CD247: variants seen among roughly 807,000 people sequenced by gnomAD.
The protein encoded by CD247 is CD247 molecule.
CD247 carries 13 observed loss-of-function variants against 30.0 expected under a neutral mutation model. The ratio of observed to expected loss-of-function variants is 0.43; its 90% CI spans 0.28 to 0.69. CD247 has a LOEUF of 0.69. Among genes scored for constraint, CD247 ranks in the 30% least tolerant of loss-of-function variants. The pLI, the probability that CD247 is intolerant of heterozygous loss-of-function variation, is 0.16. For synonymous variants in CD247, 72 were observed against 80.0 expected (o/e 0.90, Z 0.53); for missense variants, 193 against 212.6 (o/e 0.91, Z 0.57).
Position 167,434,060 on chromosome 1 carries a change from T to G in CD247, c.353A>C (p.Lys118Thr), listed in dbSNP as rs1651408135. ...AATCTCACTGTAGGCCTCCGCCATC[T>G]TATCTTTCTGCAGTTCCTGCAGAAG... ...EGLYNELQKD[K>T]MAEAYSEIGM... The change falls in exon 6 of 8, where the codon AAG becomes ACG. Residue 118 changes from lysine to threonine, a missense_variant. By Grantham distance (78) the Lys-to-Thr change is moderately conservative. Transcript: ENST00000362089. The G allele has an allele frequency of 6.2e-7, 1 of 1,614,018 alleles. No individual in the cohort carries two copies. Among genetic ancestry groups the G allele is most frequent in the African/African-American group, 1.3e-5 (1 of 74,942 alleles).
At chr1:167,478,366 T>C (rs533127487) in intron 1 of CD247, among the ~76,000 whole-genome samples, 13 of 152,336 alleles carry the variant, frequency 8.5e-5, no homozygotes, top group Non-Finnish European at 1.6e-4. Flanking sequence ...CTTCGGAACA[T>C]GAAGAATAGC....
chr1:167,472,069 G>T (rs151189408), intron 1 of CD247, among the ~76,000 whole-genome samples: 3 of 151,734 alleles, frequency 2.0e-5, no homozygotes, highest in African/African-American at 7.2e-5. Context: ...CCTGACCTCA[G>T]GTGATCCACT....
intron 1 of CD247, among the ~76,000 whole-genome samples, chr1:167,476,407 A>C (rs1489457393): frequency 6.6e-6 from 1 of 152,082 alleles, no homozygotes; most frequent in Non-Finnish European, 1.5e-5. Context: ...TAATCTCTTA[A>C]TTTTCTTTCT....
At chr1:167,506,337 C>T (rs977649139) in intron 1 of CD247, among the ~76,000 whole-genome samples, 1 of 141,756 alleles carries the variant, frequency 7.1e-6, no homozygotes, top group South Asian at 2.3e-4. Flanking sequence ...TTTTCTTTCT[C>T]CTCTCCCTCC....
chr1:167,494,826 G>C lies in CD247; in HGVS notation c.58+23582C>G, dbSNP rs770797897. Among the ~76,000 whole-genome samples, 1 of 152,146 alleles carries C rather than the reference G, an allele frequency of 6.6e-6. No individual in the cohort carries two copies. Among genetic ancestry groups the C allele is most frequent in the South Asian group, 2.1e-4 (1 of 4,828 alleles). On this transcript the variant is annotated intron_variant, in intron 1 of 7. Transcript: ENST00000362089. The surrounding 1 kb of genome is among the most constrained non-coding windows in gnomAD (Gnocchi z 7.3). ...ACAATTATTACCTCAGATCACATAC[G>C]CCTTGGATTTCAGAGCTGGAAAGAG...
chr1:167,486,322 G>A (rs976114946), intron 1 of CD247, among the ~76,000 whole-genome samples: 4 of 152,242 alleles, frequency 2.6e-5, no homozygotes, highest in Non-Finnish European at 5.9e-5. Context: ...CCCTGGCCTC[G>A]GAGGGAGAGG....
At chr1:167,450,430 A>T (rs1226783988) in intron 1 of CD247, among the ~76,000 whole-genome samples, 1 of 151,842 alleles carries the variant, frequency 6.6e-6, no homozygotes, top group Non-Finnish European at 1.5e-5. Context: ...GGAGGTCAAA[A>T]CTGCAGTGAG....
rs1463762438 is a variant in CD247, at chr1:167,480,123, G to A, written c.58+38285C>T. Among the ~76,000 whole-genome samples the A allele has an allele frequency of 9.9e-5, 15 of 152,276 alleles. No homozygotes were observed. The East Asian group carries it at 2.9e-3, about 29-fold the overall frequency. On this transcript the variant is annotated intron_variant, in intron 1 of 7. Transcript: ENST00000362089. ...GGCCGACGTTCTTTAGATCTGGAAGGATAGTAGACCTGTGAGTTAAAGGTG... is the reference window on the plus strand; with the variant it reads ...GGCCGACGTTCTTTAGATCTGGAAGAATAGTAGACCTGTGAGTTAAAGGTG...
At chr1:167,486,121 A>T (rs1170638574) in intron 1 of CD247, among the ~76,000 whole-genome samples, 1 of 152,244 alleles carries the variant, frequency 6.6e-6, no homozygotes, top group Non-Finnish European at 1.5e-5. Flanking sequence ...GAGAACAGGC[A>T]TTGTCAGGCC....
At chr1:167,475,230 G>GT (rs780456917) in intron 1 of CD247, among the ~76,000 whole-genome samples, 9 of 152,112 alleles carry the variant, frequency 5.9e-5, no homozygotes, top group African/African-American at 1.2e-4. Context: ...GAGTGGAATA[G>GT]TAGAATGAGC....
chr1:167,471,578 G>A lies in CD247; in HGVS notation c.59-30811C>T, dbSNP rs966230553. 2.6e-5 allele frequency among the ~76,000 whole-genome samples: 4 copies of A among 152,028 alleles called. No homozygotes were observed. In the South Asian group the frequency reaches 6.2e-4, roughly 24 times the overall value. On this transcript the variant is annotated intron_variant, in intron 1 of 7. Transcript: ENST00000362089. ...CTGTGTATTTCCTATTTTATGAATT[G>A]TGTGGTGATGACTTTTGCTTATATT...
chr1:167,446,068 A>T (rs1345127349), intron 1 of CD247, among the ~76,000 whole-genome samples: 1 of 152,168 alleles, frequency 6.6e-6, no homozygotes, highest in East Asian at 1.9e-4. Flanking sequence ...TTAGTGGCAA[A>T]GCTGGAAGGG....
At position 167,452,135 on chromosome 1, in the gene CD247, G is replaced by A. The variant is rs140305732; in HGVS notation, c.59-11368C>T. On this transcript the variant is annotated intron_variant, in intron 1 of 7. Coordinates refer to ENST00000362089, the MANE Select transcript of CD247 (RefSeq NM_198053.3). ...AGCTACTCAGAAGGCTAAGGCAGGA[G>A]AATTGCTTGAACTTGGGAGGCAGAG... 1.1e-3 allele frequency among the ~76,000 whole-genome samples: 165 copies of A among 152,342 alleles called. 1 individual carries two copies. Among genetic ancestry groups the A allele is most frequent in the Non-Finnish European group, 1.8e-3 (122 of 68,034 alleles).
rs1233093363 is a variant in CD247, at chr1:167,434,055, C to T, written c.358G>A (p.Ala120Thr). 1 of 1,614,040 alleles carries T rather than the reference C, an allele frequency of 6.2e-7. No homozygotes were observed. Among genetic ancestry groups the T allele is most frequent in the Non-Finnish European group, 8.5e-7 (1 of 1,179,960 alleles). ...LYNELQKDKM[A>T]EAYSEIGMKG... ...ATCCCAATCTCACTGTAGGCCTCCG[C>T]CATCTTATCTTTCTGCAGTTCCTGC... is the stretch of plus-strand genomic sequence containing the variant. Residue 120 changes from alanine (A) to threonine (T), a missense_variant, in exon 6 of 8, where the codon GCG becomes ACG. Coordinates refer to ENST00000362089, the MANE Select transcript of CD247 (RefSeq NM_198053.3).
At chr1:167,473,249 G>A (rs532548185) in intron 1 of CD247, among the ~76,000 whole-genome samples, 4 of 152,240 alleles carry the variant, frequency 2.6e-5, no homozygotes, top group East Asian at 1.9e-4. Context: ...CAGCTGTCCC[G>A]AGCTGCCCTC....
At position 167,479,189 on chromosome 1, in the gene CD247, C is replaced by T. The variant is rs560133601; in HGVS notation, c.59-38422G>A. On this transcript the variant is annotated intron_variant, in intron 1 of 7. Transcript: ENST00000362089. Reference sequence around the variant, plus strand: ...TCCCAACCATGTAAAGAAAGTAGCACGTGAAAATGCAGACTGGAGGGAAAC... The same window carrying T: ...TCCCAACCATGTAAAGAAAGTAGCATGTGAAAATGCAGACTGGAGGGAAAC... Among the ~76,000 whole-genome samples the T allele has an allele frequency of 5.3e-5, 8 of 152,220 alleles. No individual in the cohort carries two copies. In the South Asian group the frequency reaches 1.5e-3, roughly 28 times the overall value.
chr1:167,437,627 C>T (rs1300054810), intron 4 of CD247, among the ~76,000 whole-genome samples: 1 of 152,188 alleles, frequency 6.6e-6, no homozygotes, highest in Admixed American at 6.5e-5. Flanking sequence ...AAGACAAACA[C>T]TCCATGTTCT....
chr1:167,439,294 G>C (rs1228562439), intron 3 of CD247, 50 bp downstream of exon 3: 1 of 1,550,532 alleles, frequency 6.4e-7, no homozygotes, highest in Non-Finnish European at 8.9e-7. Flanking sequence ...CTAGGTCCGA[G>C]GAGGAGGCTG....
chr1:167,470,294 C>G lies in CD247; in HGVS notation c.59-29527G>C, dbSNP rs146314536. On this transcript the variant is annotated intron_variant, in intron 1 of 7. Transcript: ENST00000362089. ...TACAGCCCCAGTTCTCTCCTGAAAT[C>G]CAGACTCGAACATCCATTCAATATC... Among the ~76,000 whole-genome samples the G allele has an allele frequency of 5.9e-3, 903 of 152,238 alleles. 13 individuals carry two copies. Among genetic ancestry groups the G allele is most frequent in the African/African-American group, 0.02 (845 of 41,536 alleles).
Sources: gnomAD v4.1 joint callset for allele counts (sites outside exome capture counted in the v4.1 genomes callset) on GRCh38, gnomAD v4.1.1 for gene constraint, Gnocchi (gnomAD v3.1) non-coding constraint, MANE v1.5 for transcripts, NCBI Gene and HGNC (gene_info 2026-07-23, HGNC 2026-07-21) for gene names.